Variants in FRMD4A observed in about 807,000 individuals in gnomAD.
FRMD4A encodes FERM domain containing 4A.
FRMD4A carries 29 observed loss-of-function variants against 129.1 expected under a neutral mutation model. The observed-to-expected ratio is 0.22, with a 90% CI of 0.17 to 0.31. The LOEUF (loss-of-function observed/expected upper bound fraction) is 0.31, where lower values mean the gene tolerates loss of function less well. Ranked by LOEUF, FRMD4A falls within the 10% of genes least tolerant of loss-of-function variation. The pLI, the probability that FRMD4A is intolerant of heterozygous loss-of-function variation, is 1.00. For synonymous variants in FRMD4A, 634 were observed against 571.6 expected (o/e 1.11, Z -1.56); for missense variants, 1,272 against 1,375.8 (o/e 0.92, Z 1.19).
intron 2 of FRMD4A, among the ~76,000 whole-genome samples, chr10:13,943,198 G>A (rs905221307): frequency 1.3e-5 from 2 of 152,132 alleles, no homozygotes; most frequent in East Asian, 1.9e-4. Context: ...TCTGCATAAG[G>A]TTCTAGGTGG....
chr10:13,992,165 A>G (rs944173135), intron 2 of FRMD4A, among the ~76,000 whole-genome samples: 2 of 152,252 alleles, frequency 1.3e-5, no homozygotes, highest in African/African-American at 2.4e-5. Flanking sequence ...GCAAGATGAT[A>G]CTAAGATACC....
At chr10:13,816,995 T>C (rs2093555113) in intron 3 of FRMD4A, among the ~76,000 whole-genome samples, 1 of 152,248 alleles carries the variant, frequency 6.6e-6, no homozygotes, top group Non-Finnish European at 1.5e-5. Context: ...TTCAATCAAA[T>C]AGTTTCTCTC....
chr10:13,677,383 C>T (rs1207361485), intron 15 of FRMD4A, among the ~76,000 whole-genome samples: 2 of 152,222 alleles, frequency 1.3e-5, no homozygotes, highest in South Asian at 2.1e-4. Context: ...ATTATCTCCT[C>T]TTCATAACAA....
At chr10:13,886,312 A>T (rs2094620332) in intron 2 of FRMD4A, among the ~76,000 whole-genome samples, 1 of 152,140 alleles carries the variant, frequency 6.6e-6, no homozygotes, top group South Asian at 2.1e-4. Context: ...ACCAATGAAC[A>T]GGCTAATCCC....
At chr10:13,701,666 G>A (rs1273595384) in intron 13 of FRMD4A, among the ~76,000 whole-genome samples, 188 bp from the exon 14 acceptor site, 1 of 152,154 alleles carries the variant, frequency 6.6e-6, no homozygotes, top group Non-Finnish European at 1.5e-5. Flanking sequence ...ATCATTGGCT[G>A]GGCAAAGGCC....
At chr10:13,954,159 G>T (rs1287782372) in intron 2 of FRMD4A, among the ~76,000 whole-genome samples, 2 of 152,174 alleles carry the variant, frequency 1.3e-5, no homozygotes, top group African/African-American at 4.8e-5. Context: ...TGTTGGTAAA[G>T]AAATAAACAA....
chr10:14,007,576 T>C (rs1360845178), intron 2 of FRMD4A: 1 of 153,192 alleles, frequency 6.5e-6, no homozygotes, highest in East Asian at 1.9e-4. Context: ...GAAAAAAGCA[T>C]GTAATCAACT....
At chr10:13,839,644 G>A (rs533138872) in intron 3 of FRMD4A, among the ~76,000 whole-genome samples, 1 of 152,302 alleles carries the variant, frequency 6.6e-6, no homozygotes, top group African/African-American at 2.4e-5. Flanking sequence ...ACATGGTCAT[G>A]TGAAAGACAC....
intron 2 of FRMD4A, among the ~76,000 whole-genome samples, chr10:14,289,625 C>A (rs57755490): frequency 0.016 from 2,422 of 152,158 alleles, 57 homozygotes; most frequent in South Asian, 0.063. Flanking sequence ...TACCTCAACA[C>A]AATAAAGTCC....
intron 6 of FRMD4A, among the ~76,000 whole-genome samples, chr10:13,781,552 A>AT (rs2092736161): frequency 6.6e-6 from 1 of 151,594 alleles, no homozygotes; most frequent in Non-Finnish European, 1.5e-5. Context: ...TAATTTTTGT[A>AT]TTTTTAATAG....
chr10:14,020,572 G>A (rs906995393), intron 2 of FRMD4A, among the ~76,000 whole-genome samples: 1 of 152,156 alleles, frequency 6.6e-6, no homozygotes, highest in Non-Finnish European at 1.5e-5. Context: ...GTCTTCTTTT[G>A]TTCTTATTTA....
intron 3 of FRMD4A, among the ~76,000 whole-genome samples, chr10:13,858,581 T>TC (rs2094246279): frequency 6.6e-6 from 1 of 152,230 alleles, no homozygotes; most frequent in Admixed American, 6.5e-5. Context: ...AAAGAATAGC[T>TC]AAGGGCATTG....
chr10:14,064,685 C>T (rs1414678213), intron 2 of FRMD4A, among the ~76,000 whole-genome samples: 1 of 152,084 alleles, frequency 6.6e-6, no homozygotes, highest in Non-Finnish European at 1.5e-5. Flanking sequence ...TCAGGTGATT[C>T]TCCTGCCTCA....
intron 2 of FRMD4A, among the ~76,000 whole-genome samples, chr10:14,256,534 G>A (rs1456386836): frequency 2.0e-5 from 3 of 152,176 alleles, no homozygotes; most frequent in Non-Finnish European, 4.4e-5. Context: ...AAGAATATAA[G>A]AGTGTAGTGT....
At chr10:14,039,451 A>T (rs1000269509) in intron 2 of FRMD4A, among the ~76,000 whole-genome samples, 79 of 113,720 alleles carry the variant, frequency 6.9e-4, no homozygotes, top group African/African-American at 2.5e-3. Flanking sequence ...CCCCAAAATC[A>T]ATCAATCTAT....
intron 13 of FRMD4A, among the ~76,000 whole-genome samples, chr10:13,702,577 T>C (rs2086947226): frequency 6.6e-6 from 1 of 151,812 alleles, no homozygotes; most frequent in African/African-American, 2.4e-5. Context: ...TGCGCATGCA[T>C]GTGAGACAAG....
chr10:13,922,015 G>A (rs2095078795), intron 2 of FRMD4A, among the ~76,000 whole-genome samples: 1 of 152,142 alleles, frequency 6.6e-6, no homozygotes, highest in Non-Finnish European at 1.5e-5. Context: ...TGCATGTTGA[G>A]ACTAGAGCCC....
chr10:13,861,905 C>T lies in FRMD4A; in HGVS notation c.46-2993G>A, dbSNP rs567445576. Among the ~76,000 whole-genome samples the T allele has an allele frequency of 3.6e-4, 55 of 152,188 alleles. 1 individual carries two copies. Among genetic ancestry groups the T allele is most frequent in the African/African-American group, 1.2e-3 (51 of 41,530 alleles). On this transcript the variant is annotated intron_variant, in intron 2 of 24. Transcript: ENST00000357447. Reference sequence around the variant, plus strand: ...CTTTACCAAAATGTATAAATGATTCCTTCATCAAAAAAGTACACTAGAAAT... The same window carrying T: ...CTTTACCAAAATGTATAAATGATTCTTTCATCAAAAAAGTACACTAGAAAT...
At chr10:14,139,780 T>C (rs1267766947) in intron 2 of FRMD4A, among the ~76,000 whole-genome samples, 1 of 152,218 alleles carries the variant, frequency 6.6e-6, no homozygotes. Context: ...ATATTGTTAC[T>C]CTTGGGCTTC....
Sources: allele counts gnomAD v4.1 joint callset (sites outside exome capture counted in the v4.1 genomes callset), GRCh38; gene constraint gnomAD v4.1.1; transcripts MANE v1.5; gene names NCBI Gene and HGNC (gene_info 2026-07-23, HGNC 2026-07-21).